SLC25A21: variants seen among roughly 807,000 people sequenced by gnomAD.
The protein encoded by SLC25A21 is mitochondrial 2-oxodicarboxylate carrier.
SLC25A21 carries 47 observed loss-of-function variants against 43.8 expected under a neutral mutation model. The observed-to-expected ratio is 1.07, with a 90% CI of 0.85 to 1.37. The LOEUF is 1.37. SLC25A21 is among the 40% of genes most tolerant of loss of function. The probability of loss-of-function intolerance (pLI) is 0.00; values close to 1 mark genes in which losing one functional copy is unlikely to be tolerated. For missense variants in SLC25A21, 352 were observed against 350.2 expected, an observed-to-expected ratio of 1.00 and a Z score of -0.04; for synonymous variants, 131 against 121.3, an observed-to-expected ratio of 1.08 and a Z score of -0.52.
chr14:36,849,807 T>C (rs1399455485), intron 2 of SLC25A21, among the ~76,000 whole-genome samples: 1 of 152,208 alleles, frequency 6.6e-6, no homozygotes, highest in African/African-American at 2.4e-5. Context: ...ACCTCTCATC[T>C]TGCTCACTTA....
At chr14:37,107,141 T>A (rs1272542093) in intron 1 of SLC25A21, among the ~76,000 whole-genome samples, 1 of 151,888 alleles carries the variant, frequency 6.6e-6, no homozygotes, top group Non-Finnish European at 1.5e-5. Context: ...TTATTACTAT[T>A]TTTTTTAATA....
chr14:36,908,399 A>ACC (rs1380337272), intron 1 of SLC25A21, among the ~76,000 whole-genome samples: 3 of 152,196 alleles, frequency 2.0e-5, no homozygotes, highest in Non-Finnish European at 2.9e-5. Context: ...GGGAAAGCAT[A>ACC]CAGCATTGAT....
rs1046340904 is a variant in SLC25A21 at position 37,039,222 on chromosome 14, T to C, written c.70+133059A>G. ...GTTGCAAAATACTGAAAGGCATTCA[T>C]TGATGCAGCCTGTCTTATAAGCATT... On this transcript the variant is annotated intron_variant, in intron 1 of 9. Coordinates refer to ENST00000331299, the MANE Select transcript of SLC25A21 (RefSeq NM_030631.4). 3.3e-5 allele frequency among the ~76,000 whole-genome samples: 5 copies of C among 152,312 alleles called. No individual in the cohort carries two copies. The South Asian group carries it at 1.0e-3, about 32-fold the overall frequency.
At chr14:37,157,117 G>T (rs1963864119) in intron 1 of SLC25A21, among the ~76,000 whole-genome samples, 1 of 152,172 alleles carries the variant, frequency 6.6e-6, no homozygotes, top group South Asian at 2.1e-4. Context: ...AGCACTTTGG[G>T]AGGCCAAGGC....
intron 3 of SLC25A21, among the ~76,000 whole-genome samples, chr14:36,745,413 C>A (rs894638751): frequency 6.6e-6 from 1 of 152,092 alleles, no homozygotes; most frequent in East Asian, 1.9e-4. Context: ...CTTGAGGAAT[C>A]GCCACACTGT....
chr14:36,678,755 G>A lies in SLC25A21; in HGVS notation c.*1903C>T, dbSNP rs1421851832. Reference sequence around the variant, plus strand: ...TTGTGCTATTTATAATTTTTTTCTGGTTCTTGTATTTTAAAAAATCTAATA... The same window carrying A: ...TTGTGCTATTTATAATTTTTTTCTGATTCTTGTATTTTAAAAAATCTAATA... On this transcript the variant is annotated 3_prime_UTR_variant, in exon 10 of 10. Coordinates refer to ENST00000331299, the MANE Select transcript of SLC25A21 (RefSeq NM_030631.4). The A allele has an allele frequency of 1.8e-6, 2 of 1,118,772 alleles. No homozygotes were observed. The highest frequency in any genetic ancestry group is 2.2e-6 in the Non-Finnish European group (2 of 910,076). The allele number at this position is 1,118,772 out of a possible 1,614,324, so 69.3% of individuals were successfully genotyped here.
chr14:36,876,896 T>TATAGATAGATAGATAGATAG (rs71449955), intron 1 of SLC25A21, among the ~76,000 whole-genome samples: 81 of 138,422 alleles, frequency 5.9e-4, no homozygotes, highest in East Asian at 1.5e-3. Context: ...ATGATGGGAT[T>TATAGATAGATAGATAGATAG]ATAGATAGAT....
intron 1 of SLC25A21, among the ~76,000 whole-genome samples, chr14:36,921,411 A>G (rs908265506): frequency 3.9e-5 from 6 of 152,188 alleles, no homozygotes; most frequent in Non-Finnish European, 7.4e-5. Context: ...TCCTCAATGA[A>G]TAAGAACGTT....
chr14:36,865,937 A>G (rs1342161275), intron 2 of SLC25A21, among the ~76,000 whole-genome samples: 1 of 152,178 alleles, frequency 6.6e-6, no homozygotes, highest in East Asian at 1.9e-4. Context: ...GAAGTATGAA[A>G]AGATTTCTTA....
At chr14:36,937,175 C>A (rs981099220) in intron 1 of SLC25A21, among the ~76,000 whole-genome samples, 5 of 152,158 alleles carry the variant, frequency 3.3e-5, no homozygotes, top group Non-Finnish European at 7.4e-5. Flanking sequence ...CTAAGCCGGG[C>A]GATGCTGAAG....
At chr14:36,842,884 C>A (rs1455782509) in intron 2 of SLC25A21, among the ~76,000 whole-genome samples, 1 of 151,988 alleles carries the variant, frequency 6.6e-6, no homozygotes, top group South Asian at 2.1e-4. Context: ...AGACTGATTT[C>A]GTGGAAGACA....
At chr14:37,054,902 T>C (rs2138803134) in intron 1 of SLC25A21, among the ~76,000 whole-genome samples, 1 of 152,112 alleles carries the variant, frequency 6.6e-6, no homozygotes, top group Middle Eastern at 3.4e-3. Flanking sequence ...AAAGAAAGAA[T>C]GACACAGAGT....
chr14:37,084,509 T>G (rs944104877), intron 1 of SLC25A21, among the ~76,000 whole-genome samples: 1 of 152,248 alleles, frequency 6.6e-6, no homozygotes, highest in Non-Finnish European at 1.5e-5. Flanking sequence ...ATGTTAGTGA[T>G]AAAATGTTAT....
intron 1 of SLC25A21, among the ~76,000 whole-genome samples, chr14:36,976,853 G>A (rs933799385): frequency 5.9e-5 from 9 of 152,234 alleles, no homozygotes; most frequent in Non-Finnish European, 1.2e-4. Context: ...AGCCTTGCTT[G>A]AAAAGTGCTA....
chr14:37,171,720 G>A (rs1964133171), intron 1 of SLC25A21, among the ~76,000 whole-genome samples: 1 of 152,018 alleles, frequency 6.6e-6, no homozygotes, highest in Non-Finnish European at 1.5e-5. Context: ...AAATTAACGT[G>A]AGCCCATTAT....
intron 2 of SLC25A21, among the ~76,000 whole-genome samples, chr14:36,827,315 C>T (rs1270410464): frequency 1.3e-5 from 2 of 152,092 alleles, no homozygotes; most frequent in Admixed American, 6.6e-5. Context: ...TGCACTATCC[C>T]TTTCGGTGGA....
chr14:36,977,319 A>G (rs1185418527), intron 1 of SLC25A21, among the ~76,000 whole-genome samples: 1 of 152,194 alleles, frequency 6.6e-6, no homozygotes, highest in African/African-American at 2.4e-5. Flanking sequence ...TGCATTGACC[A>G]GAGAGGAGGA....
chr14:36,758,819 C>G (rs1382736799), intron 3 of SLC25A21, among the ~76,000 whole-genome samples: 1 of 152,124 alleles, frequency 6.6e-6, no homozygotes, highest in Non-Finnish European at 1.5e-5. Flanking sequence ...AAACTTCAAG[C>G]AAAAACTCCT....
intron 1 of SLC25A21, among the ~76,000 whole-genome samples, chr14:37,114,994 A>C (rs1369622005): frequency 6.6e-6 from 1 of 152,204 alleles, no homozygotes. Context: ...TTCTGGCTCC[A>C]AGGAGACTGA....
Sources: allele counts gnomAD v4.1 joint callset (sites outside exome capture counted in the v4.1 genomes callset), GRCh38; gene constraint gnomAD v4.1.1; transcripts MANE v1.5; gene names NCBI Gene and HGNC (gene_info 2026-07-23, HGNC 2026-07-21).